Variants in ARMH3 observed in about 807,000 individuals in gnomAD.
ARMH3 encodes the protein armadillo like helical domain containing 3, also known as armadillo-like helical domain-containing protein 3.
ARMH3 carries 60 observed loss-of-function variants against 99.1 expected under a neutral mutation model. That is an observed-to-expected ratio of 0.61 (90% CI 0.49 to 0.75). The LOEUF (loss-of-function observed/expected upper bound fraction) is 0.75. Ranked by LOEUF, ARMH3 falls within the 30% of genes least tolerant of loss-of-function variation. ARMH3 has a pLI of 0.00. For synonymous variants in ARMH3, 285 were observed against 292.8 expected (o/e 0.97, Z 0.27); for missense variants, 679 against 843.1 (o/e 0.81, Z 2.41).
intron 23 of ARMH3, among the ~76,000 whole-genome samples, chr10:101,918,868 T>C (rs1242728951): frequency 1.3e-5 from 2 of 152,202 alleles, no homozygotes; most frequent in Non-Finnish European, 2.9e-5. Flanking sequence ...TGATTTCTGA[T>C]GAAAAAGAAC....
At chr10:101,886,334 C>T (rs533100955) in intron 24 of ARMH3, among the ~76,000 whole-genome samples, 1 of 140,102 alleles carries the variant, frequency 7.1e-6, no homozygotes, top group Non-Finnish European at 1.6e-5. Context: ...GCAAACATGG[C>T]GAAACCCTAC....
At chr10:101,886,225 A>G (rs905022978) in intron 24 of ARMH3, among the ~76,000 whole-genome samples, 1 of 151,732 alleles carries the variant, frequency 6.6e-6, no homozygotes, top group Non-Finnish European at 1.5e-5. Flanking sequence ...AAAAAAATGT[A>G]TGACCAGGCT....
At chr10:101,903,155 G>T (rs1365966862) in intron 23 of ARMH3, among the ~76,000 whole-genome samples, 1 of 152,188 alleles carries the variant, frequency 6.6e-6, no homozygotes, top group Non-Finnish European at 1.5e-5. Flanking sequence ...TTTAGAAACA[G>T]AACTTCTATA....
chr10:102,045,730 A>G (rs1201619112), intron 1 of ARMH3, among the ~76,000 whole-genome samples: 1 of 152,212 alleles, frequency 6.6e-6, no homozygotes, highest in Non-Finnish European at 1.5e-5. Flanking sequence ...GTCATACAAT[A>G]GAATACCACA....
At chr10:102,053,011 C>A (rs938059135) in intron 1 of ARMH3, among the ~76,000 whole-genome samples, 3 of 152,006 alleles carry the variant, frequency 2.0e-5, no homozygotes, top group Non-Finnish European at 4.4e-5. Context: ...AATTAGAAAT[C>A]CTAGCCCACT....
chr10:101,951,008 C>A (rs531213181), intron 22 of ARMH3, among the ~76,000 whole-genome samples: 1 of 152,226 alleles, frequency 6.6e-6, no homozygotes, highest in African/African-American at 2.4e-5. Flanking sequence ...AGTGTTTCTG[C>A]ATATTGGCAA....
chr10:102,053,214 TAAAAAAA>T lies in ARMH3; in HGVS notation c.-12+2864_-12+2870del, dbSNP rs1191838493. Among the ~76,000 whole-genome samples the T allele has an allele frequency of 2.5e-3, 125 of 49,032 alleles. 2 individuals are homozygous for T. The South Asian group carries it at 0.026, about 10-fold the overall frequency. The allele number at this position is 49,032 out of a possible 152,430, so 32.2% of individuals were successfully genotyped here. On this transcript the variant is annotated intron_variant, in intron 1 of 25. Transcript: ENST00000370033. ...AACTTAAAAAAAACTCCTCAGAAGCTAAAAAAAAAAAAAAAAAAAAAAAAAGAGAAAA... is the reference window on the plus strand; with the variant it reads ...AACTTAAAAAAAACTCCTCAGAAGCTAAAAAAAAAAAAAAAAAAGAGAAAA...
chr10:101,848,229 C>T (rs115796697), intron 25 of ARMH3, among the ~76,000 whole-genome samples: 1 of 152,286 alleles, frequency 6.6e-6, no homozygotes, highest in African/African-American at 2.4e-5. Flanking sequence ...CCTAGTCTAG[C>T]ACTCCTTCTA....
chr10:101,888,060 T>C (rs201361469), intron 24 of ARMH3, among the ~76,000 whole-genome samples: 2 of 131,992 alleles, frequency 1.5e-5, no homozygotes, highest in Non-Finnish European at 3.3e-5. Flanking sequence ...AAATGTCTCC[T>C]TTTTTTTTTT....
rs569179050 is a variant in ARMH3, at chr10:101,946,071, C to CAAAAAAAAAA, written c.1706-6143_1706-6134dup. ...TGGGCGACAGAGTAAGACTCTGCCT[C>CAAAAAAAAAA]AAAAAAAAAAAAAAAAAAAAAAAAA... On this transcript the variant is annotated intron_variant, in intron 22 of 25. Transcript: ENST00000370033. 2.3e-4 allele frequency among the ~76,000 whole-genome samples: 8 copies of CAAAAAAAAAA among 34,484 alleles called. 1 individual carries two copies. Among genetic ancestry groups the CAAAAAAAAAA allele is most frequent in the East Asian group, 1.9e-3 (2 of 1,078 alleles). The allele number at this position is 34,484 out of a possible 152,430, so 22.6% of individuals were successfully genotyped here.
chr10:101,991,966 C>T lies in ARMH3; in HGVS notation c.1345+3G>A, dbSNP rs967519439. The T allele has an allele frequency of 6.2e-7, 1 of 1,612,272 alleles. No individual in the cohort carries two copies. The highest frequency in any genetic ancestry group is 1.3e-5 in the African/African-American group (1 of 74,988). On this transcript the variant is annotated splice_donor_region_variant and intron_variant, in intron 18 of 25. Transcript: ENST00000370033. ...AATGTCAATGTTGATGATACTCACT[C>T]ACCCAGTACTGCACATACTAAAGGA...
At chr10:102,031,984 C>T (rs1161586496) in intron 4 of ARMH3, among the ~76,000 whole-genome samples, 3 of 152,306 alleles carry the variant, frequency 2.0e-5, no homozygotes, top group South Asian at 2.1e-4. Flanking sequence ...GTGATCCTCC[C>T]GCCTTGGCCT....
In ARMH3 at chr10:101,957,820, C is replaced by T. The variant is rs560646767; in HGVS notation, c.1496-88G>A. On this transcript the variant is annotated intron_variant, in intron 20 of 25. Coordinates refer to ENST00000370033, the MANE Select transcript of ARMH3 (RefSeq NM_024541.3). Reference sequence around the variant, plus strand: ...AAAACAGACTAGCTCTAAAAAAAATCCAGAAGGTTAGAGTGAGTAAGTCTC... The same window carrying T: ...AAAACAGACTAGCTCTAAAAAAAATTCAGAAGGTTAGAGTGAGTAAGTCTC... The T allele has an allele frequency of 9.5e-6, 14 of 1,473,946 alleles. No individual in the cohort carries two copies. The Admixed American group carries it at 1.8e-4, about 19-fold the overall frequency. The allele number at this position is 1,473,946 out of a possible 1,614,324, so 91.3% of individuals were successfully genotyped here.
At position 101,915,616 on chromosome 10, in the gene ARMH3, A is replaced by G. The variant is rs150437254; in HGVS notation, c.1781+24247T>C. Among the ~76,000 whole-genome samples the G allele has an allele frequency of 1.2e-3, 177 of 152,272 alleles. 1 individual carries two copies. The highest frequency in any genetic ancestry group is 3.9e-3 in the African/African-American group (164 of 41,556). On this transcript the variant is annotated intron_variant, in intron 23 of 25. Coordinates refer to ENST00000370033, the MANE Select transcript of ARMH3 (RefSeq NM_024541.3). ...CAGAAAGGGAGGAAGGAGGCACAGTAGCTGTCTGCAATAGTTTAGCATTCA... is the reference window on the plus strand; with the variant it reads ...CAGAAAGGGAGGAAGGAGGCACAGTGGCTGTCTGCAATAGTTTAGCATTCA...
At chr10:101,962,970 C>CTTT (rs11358645) in intron 20 of ARMH3, among the ~76,000 whole-genome samples, 1 of 131,764 alleles carries the variant, frequency 7.6e-6, no homozygotes, top group Non-Finnish European at 1.6e-5. Context: ...GTCTTTTTTT[C>CTTT]TTTTTTTTTT....
At position 102,014,107 on chromosome 10, in the gene ARMH3, T is replaced by C. The variant is rs1369756869; in HGVS notation, c.670-83A>G. The C allele has an allele frequency of 1.1e-5, 12 of 1,136,412 alleles. No homozygotes were observed. The East Asian group carries it at 2.4e-4, about 22-fold the overall frequency. The allele number at this position is 1,136,412 out of a possible 1,614,324, so 70.4% of individuals were successfully genotyped here. ...GCTATCTTTAAAGTGTTAACAAAAA[T>C]GCTTCCATAAGGCCCTCTCTCTACA... On this transcript the variant is annotated intron_variant, in intron 8 of 25. Transcript: ENST00000370033.
intron 22 of ARMH3, among the ~76,000 whole-genome samples, chr10:101,942,260 G>T (rs1844273800): frequency 6.6e-6 from 1 of 152,148 alleles, no homozygotes; most frequent in South Asian, 2.1e-4. Flanking sequence ...CAAAAAAAAT[G>T]AATTGTATGT....
chr10:101,926,038 G>A (rs1564759003), intron 23 of ARMH3, among the ~76,000 whole-genome samples: 1 of 152,220 alleles, frequency 6.6e-6, no homozygotes, highest in Non-Finnish European at 1.5e-5. Context: ...CTTTGGGAAG[G>A]AGACTGACAT....
chr10:101,919,371 T>C (rs1184559890), intron 23 of ARMH3, among the ~76,000 whole-genome samples: 5 of 152,102 alleles, frequency 3.3e-5, no homozygotes, highest in Middle Eastern at 6.3e-3. Context: ...GCTAAGGCTA[T>C]CTTCATATCT....
Sources: gnomAD v4.1 joint callset for allele counts (sites outside exome capture counted in the v4.1 genomes callset) on GRCh38, gnomAD v4.1.1 for gene constraint, MANE v1.5 for transcripts, NCBI Gene and HGNC (gene_info 2026-07-23, HGNC 2026-07-21) for gene names.